PLCL1: variants seen among roughly 807,000 people sequenced by gnomAD.
PLCL1 encodes inactive phospholipase C-like protein 1.
In PLCL1, 41 loss-of-function variants were observed where a neutral mutation model predicts 84.4. The observed-to-expected ratio is 0.49, with a 90% CI of 0.38 to 0.63. The LOEUF is 0.63. Ranked by LOEUF, PLCL1 falls within the 30% of genes least tolerant of loss-of-function variation. PLCL1 has a pLI of 0.00. For synonymous variants in PLCL1, 490 were observed against 488.3 expected, an observed-to-expected ratio of 1.00 and a Z score of -0.05; for missense variants, 1,206 against 1,367.8, an observed-to-expected ratio of 0.88 and a Z score of 1.87.
At chr2:198,069,732 TCTG>T (rs1270860834) in intron 1 of PLCL1, among the ~76,000 whole-genome samples, 1 of 152,202 alleles carries the variant, frequency 6.6e-6, no homozygotes, top group Non-Finnish European at 1.5e-5. Context: ...TCAGAAAATA[TCTG>T]CTATTTTAAG....
intron 1 of PLCL1, among the ~76,000 whole-genome samples, chr2:197,833,359 A>G (rs976781650): frequency 2.6e-5 from 4 of 152,202 alleles, no homozygotes; most frequent in Non-Finnish European, 5.9e-5. Flanking sequence ...AAATAAAGAT[A>G]TTCAAATAGA....
At chr2:198,100,160 C>T (rs1189154826) in intron 3 of PLCL1, among the ~76,000 whole-genome samples, 3 of 151,780 alleles carry the variant, frequency 2.0e-5, no homozygotes, top group South Asian at 2.1e-4. Flanking sequence ...AAAAGCAAAA[C>T]GGGGAAAAAA....
intron 1 of PLCL1, among the ~76,000 whole-genome samples, chr2:197,857,746 T>C (rs1361573570): frequency 2.0e-5 from 3 of 152,158 alleles, no homozygotes; most frequent in East Asian, 3.9e-4. Flanking sequence ...AGCAAGTTTA[T>C]ATATGCACTT....
chr2:197,823,639 C>T (rs1690862680), intron 1 of PLCL1, among the ~76,000 whole-genome samples: 1 of 152,044 alleles, frequency 6.6e-6, no homozygotes, highest in Non-Finnish European at 1.5e-5. Context: ...CTTTTGGCTG[C>T]CATATCTAAC....
At chr2:197,866,316 G>A (rs527404252) in intron 1 of PLCL1, among the ~76,000 whole-genome samples, 3 of 150,850 alleles carry the variant, frequency 2.0e-5, no homozygotes, top group Non-Finnish European at 1.5e-5. Flanking sequence ...GGCTGAAAAT[G>A]TTCTTTGTAA....
At chr2:197,835,744 T>C (rs1691173970) in intron 1 of PLCL1, among the ~76,000 whole-genome samples, 1 of 152,236 alleles carries the variant, frequency 6.6e-6, no homozygotes, top group South Asian at 2.1e-4. Context: ...CGTATGTAAA[T>C]CATCAGGCTC....
chr2:198,101,133 A>T (rs1693321096), intron 3 of PLCL1, 152 bp from the exon 4 acceptor site: 1 of 640,400 alleles, frequency 1.6e-6, no homozygotes, highest in African/African-American at 1.9e-5. Context: ...GGGGGTTGGA[A>T]CAGAGCTTAT....
At chr2:197,963,637 G>A (rs762460310) in intron 1 of PLCL1, among the ~76,000 whole-genome samples, 1 of 152,050 alleles carries the variant, frequency 6.6e-6, no homozygotes, top group Non-Finnish European at 1.5e-5. Context: ...TGCTTGTAGG[G>A]TATTAATCAA....
At chr2:197,861,043 T>A (rs1219475945) in intron 1 of PLCL1, among the ~76,000 whole-genome samples, 1 of 152,170 alleles carries the variant, frequency 6.6e-6, no homozygotes, top group African/African-American at 2.4e-5. Flanking sequence ...ATACAACTCC[T>A]AAAATCCTTA....
intron 1 of PLCL1, among the ~76,000 whole-genome samples, chr2:197,949,883 G>C (rs1689355784): frequency 6.6e-6 from 1 of 152,062 alleles, no homozygotes; most frequent in Non-Finnish European, 1.5e-5. Context: ...TTTATGAGTG[G>C]GGAACTCAAG....
chr2:197,825,753 C>A (rs2106421495), intron 1 of PLCL1, among the ~76,000 whole-genome samples: 1 of 152,324 alleles, frequency 6.6e-6, no homozygotes, highest in South Asian at 2.1e-4. Context: ...CCTGGAATCT[C>A]ATTTTTGCTA....
chr2:197,902,040 T>C (rs997383514), intron 1 of PLCL1, among the ~76,000 whole-genome samples: 1 of 152,160 alleles, frequency 6.6e-6, no homozygotes, highest in Non-Finnish European at 1.5e-5. Context: ...TAAACTCTTA[T>C]TTTTAGAGGG....
Position 198,084,358 on chromosome 2 carries a change from A to G in PLCL1, c.841A>G (p.Arg281Gly), listed in dbSNP as rs965430208. The change falls in exon 2 of 6, where the codon AGG becomes GGG. Residue 281 changes from arginine (R) to glycine (G), a missense_variant. Physicochemically the swap from Arg to Gly is moderately radical, Grantham distance 125 (BLOSUM62 -2). Coordinates refer to ENST00000428675, the MANE Select transcript of PLCL1 (RefSeq NM_006226.4). ...LNPTLKEAKIRLKFKEIQKSK... is the reference protein window; with the variant it reads ...LNPTLKEAKIGLKFKEIQKSK... ...CCCTACTCTGAAGGAAGCCAAGATCAGGTTAAAGTTTAAAGAAATCCAGAA... is the reference window on the plus strand; with the variant it reads ...CCCTACTCTGAAGGAAGCCAAGATCGGGTTAAAGTTTAAAGAAATCCAGAA... 3 of 1,614,122 alleles carry G rather than the reference A, an allele frequency of 1.9e-6. No homozygotes were observed. The highest frequency in any genetic ancestry group is 2.5e-6 in the Non-Finnish European group (3 of 1,179,964).
At chr2:197,996,259 T>C (rs1690463224) in intron 1 of PLCL1, among the ~76,000 whole-genome samples, 1 of 152,094 alleles carries the variant, frequency 6.6e-6, no homozygotes, top group Non-Finnish European at 1.5e-5. Context: ...GACTAGGTCA[T>C]TTGAAGAATG....
intron 1 of PLCL1, among the ~76,000 whole-genome samples, chr2:197,956,764 G>T (rs1484605259): frequency 6.6e-6 from 1 of 151,854 alleles, no homozygotes; most frequent in Admixed American, 6.6e-5. Context: ...TTTTTGATGA[G>T]GTCGTTTGTT....
chr2:197,932,737 G>A lies in PLCL1; in HGVS notation c.240+127398G>A, dbSNP rs530149007. Among the ~76,000 whole-genome samples, 3 of 152,326 alleles carry A rather than the reference G, an allele frequency of 2.0e-5. No individual in the cohort carries two copies. In the South Asian group the frequency reaches 6.2e-4, roughly 32 times the overall value. Reference sequence around the variant, plus strand: ...CTACTATGCACAAGACACTATTCCAGGTATTGCAGGAATTAAAAGGTAAGT... The same window carrying A: ...CTACTATGCACAAGACACTATTCCAAGTATTGCAGGAATTAAAAGGTAAGT... On this transcript the variant is annotated intron_variant, in intron 1 of 5. Coordinates refer to ENST00000428675, the MANE Select transcript of PLCL1 (RefSeq NM_006226.4).
chr2:197,824,137 G>GT (rs886739676), intron 1 of PLCL1, among the ~76,000 whole-genome samples: 2 of 151,644 alleles, frequency 1.3e-5, no homozygotes, highest in African/African-American at 2.4e-5. Context: ...ATATATAATG[G>GT]TTTTTTTTCC....
At chr2:198,061,836 T>C (rs1264229400) in intron 1 of PLCL1, among the ~76,000 whole-genome samples, 1 of 152,114 alleles carries the variant, frequency 6.6e-6, no homozygotes, top group Non-Finnish European at 1.5e-5. Flanking sequence ...CCTGACCTCA[T>C]GATCTGCCTG....
intron 1 of PLCL1, among the ~76,000 whole-genome samples, chr2:197,966,845 A>ATTTTTTT (rs34706360): frequency 1.0e-5 from 1 of 100,284 alleles, no homozygotes; most frequent in Non-Finnish European, 2.0e-5. Context: ...ATCCATACTA[A>ATTTTTTT]TTTTTTTTTT....
Sources: gnomAD v4.1 joint callset for allele counts (sites outside exome capture counted in the v4.1 genomes callset) on GRCh38, gnomAD v4.1.1 for gene constraint, MANE v1.5 for transcripts, NCBI Gene and HGNC (gene_info 2026-07-23, HGNC 2026-07-21) for gene names.